Variants in RPH3AL observed in about 807,000 individuals in gnomAD.
RPH3AL encodes rabphilin 3A like (without C2 domains), also known as rab effector Noc2.
A neutral mutation model predicts 43.1 loss-of-function variants in RPH3AL; 38 were observed. The ratio of observed to expected loss-of-function variants is 0.88; its 90% CI spans 0.68 to 1.15. The LOEUF is 1.15. Ranked by LOEUF, RPH3AL falls within the 50% of genes most tolerant of loss-of-function variation. The pLI, the probability that RPH3AL is intolerant of heterozygous loss-of-function variation, is 0.00. For synonymous variants in RPH3AL, 189 were observed against 176.3 expected, an observed-to-expected ratio of 1.07 and a Z score of -0.57; for missense variants, 462 against 423.2, an observed-to-expected ratio of 1.09 and a Z score of -0.81.
chr17:281,618 CCCCT>C (rs1232259705), intron 6 of RPH3AL, 146 bp downstream of exon 6: 9 of 639,064 alleles, frequency 1.4e-5, no homozygotes, highest in African/African-American at 7.3e-5. Context: ...TCTGGAGAAA[CCCCT>C]CCCAGTGACT....
intron 6 of RPH3AL, among the ~76,000 whole-genome samples, chr17:259,330 G>A (rs181882708): frequency 1.9e-4 from 29 of 152,254 alleles, no homozygotes; most frequent in Admixed American, 1.7e-3. Context: ...AATGCCTTCC[G>A]CAGGGGAGAG....
intron 6 of RPH3AL, among the ~76,000 whole-genome samples, chr17:266,631 T>C (rs2042331818): frequency 6.6e-6 from 1 of 152,220 alleles, no homozygotes; most frequent in African/African-American, 2.4e-5. Context: ...GAGTTTCCTC[T>C]TCATTCCAAG....
At chr17:213,979 C>T in intron 9 of RPH3AL, 56 bp from the exon 10 acceptor site, 5 of 1,349,084 alleles carry the variant, frequency 3.7e-6, no homozygotes, top group Non-Finnish European at 5.2e-6. Flanking sequence ...TCCCTCCCTC[C>T]CCGGTGACAG....
chr17:263,424 G>T (rs2042246645), intron 6 of RPH3AL, among the ~76,000 whole-genome samples: 1 of 152,166 alleles, frequency 6.6e-6, no homozygotes, highest in African/African-American at 2.4e-5. Context: ...ATCAAGAAAG[G>T]CACGGCAGGA....
In RPH3AL at chr17:246,800, C is replaced by T. The variant is rs1049701300; in HGVS notation, c.613+311G>A. ...ATACTTTGCAAAATACCTTAATTGA[C>T]GTCCCATTTCTGTGAAGATGCGTAG... On this transcript the variant is annotated intron_variant, in intron 7 of 9. Coordinates refer to ENST00000331302, the MANE Select transcript of RPH3AL (RefSeq NM_006987.4). This position sits in a 1 kb window ranked among gnomAD's most constrained non-coding sequence, Gnocchi z 4.8. 7.9e-5 allele frequency among the ~76,000 whole-genome samples: 12 copies of T among 152,204 alleles called. No homozygotes were observed. Among genetic ancestry groups the T allele is most frequent in the African/African-American group, 1.7e-4 (7 of 41,450 alleles).
chr17:294,206 A>G (rs1162625670), intron 5 of RPH3AL, among the ~76,000 whole-genome samples: 1 of 151,944 alleles, frequency 6.6e-6, no homozygotes, highest in Non-Finnish European at 1.5e-5. Context: ...TGCTGATGGG[A>G]TGAAGAGACG....
intron 2 of RPH3AL, chr17:331,653 C>G (rs1341968002): frequency 1.6e-6 from 2 of 1,288,078 alleles, no homozygotes; most frequent in African/African-American, 3.0e-5. Context: ...CATGCAGAGG[C>G]TCCCTGACTC....
Position 246,938 on chromosome 17 carries a change from C to T in RPH3AL, c.613+173G>A, listed in dbSNP as rs980634277. On this transcript the variant is annotated intron_variant, in intron 7 of 9. Coordinates refer to ENST00000331302, the MANE Select transcript of RPH3AL (RefSeq NM_006987.4). The surrounding 1 kb of genome is among the most constrained non-coding windows in gnomAD (Gnocchi z 4.8). Reference sequence around the variant, plus strand: ...CGAACAGTCACCTGCTGGAGGTCCCCGCTGCTCACTCGGGAGAAGGTGTGG... The same window carrying T: ...CGAACAGTCACCTGCTGGAGGTCCCTGCTGCTCACTCGGGAGAAGGTGTGG... Among the ~76,000 whole-genome samples the T allele has an allele frequency of 4.6e-5, 7 of 152,194 alleles. No homozygotes were observed. In the East Asian group the frequency reaches 5.8e-4, roughly 13 times the overall value.
At chr17:234,811 T>G (rs1597897426) in intron 7 of RPH3AL, among the ~76,000 whole-genome samples, 1 of 151,096 alleles carries the variant, frequency 6.6e-6, no homozygotes, top group Non-Finnish European at 1.5e-5. Context: ...GGGCTGGGGG[T>G]GAGGAGAAGG....
chr17:268,248 A>G (rs1479802492), intron 6 of RPH3AL, among the ~76,000 whole-genome samples: 1 of 152,130 alleles, frequency 6.6e-6, no homozygotes, highest in African/African-American at 2.4e-5. Flanking sequence ...CCCCTGTGAC[A>G]ATAAAACCAA....
At chr17:304,224 G>C (rs985069315) in intron 5 of RPH3AL, among the ~76,000 whole-genome samples, 2 of 151,336 alleles carry the variant, frequency 1.3e-5, no homozygotes, top group Admixed American at 1.3e-4. Flanking sequence ...CGTGTCTCAG[G>C]CACCGTTTTA....
At chr17:236,343 T>C (rs1347202110) in intron 7 of RPH3AL, among the ~76,000 whole-genome samples, 1 of 152,192 alleles carries the variant, frequency 6.6e-6, no homozygotes, top group Non-Finnish European at 1.5e-5. Flanking sequence ...GCTGTGGCTA[T>C]TGATCAAGGA....
In RPH3AL at chr17:213,651, G is replaced by A. The variant is rs2040722798; in HGVS notation, c.*201C>T. The A allele has an allele frequency of 3.3e-6, 2 of 606,804 alleles. No individual in the cohort carries two copies. The highest frequency in any genetic ancestry group is 3.0e-6 in the Non-Finnish European group (1 of 337,842). 37.6% of individuals were successfully genotyped at this position (606,804 alleles called of 1,614,324 possible). A position where few individuals can be genotyped will look rare whatever the true frequency, so the allele number is the denominator to read the frequency against. On this transcript the variant is annotated 3_prime_UTR_variant, in exon 10 of 10. Transcript: ENST00000331302. ...GGGGCTGAGGGCAGTGGTTGGAGGG[G>A]GTGGCGGATGCAGACAGCTCCCCAG...
At chr17:258,758 T>TG (rs1358772889) in intron 6 of RPH3AL, among the ~76,000 whole-genome samples, 3 of 54,372 alleles carry the variant, frequency 5.5e-5, no homozygotes, top group African/African-American at 2.2e-4. Context: ...AGTCAACCCG[T>TG]TTTTTTTTTT....
At chr17:334,122 GCCGACTGTTCCCCGCC>G (rs1225128745) in intron 1 of RPH3AL, 188 bp from the exon 2 acceptor site, 1 of 153,068 alleles carries the variant, frequency 6.5e-6, no homozygotes, top group Non-Finnish European at 1.5e-5. Context: ...CACCCCTCCA[GCCGACTGTTCCCCGCC>G]CCGACTACAG....
At chr17:341,934 G>T (rs979436627) in intron 1 of RPH3AL, among the ~76,000 whole-genome samples, 7 of 152,178 alleles carry the variant, frequency 4.6e-5, no homozygotes, top group African/African-American at 1.7e-4. Context: ...ACAGCCCATA[G>T]AATGGGAGAA....
intron 7 of RPH3AL, among the ~76,000 whole-genome samples, chr17:241,711 CTTTT>C (rs1001979455): frequency 1.1e-5 from 1 of 92,766 alleles, no homozygotes; most frequent in Non-Finnish European, 2.2e-5. Context: ...GTTTCTTTTT[CTTTT>C]TTTTTCTTTT....
chr17:232,846 GTGTGTGTGT>G lies in RPH3AL; in HGVS notation c.614-13119_614-13111del, dbSNP rs1157321820. On this transcript the variant is annotated intron_variant, in intron 7 of 9. Coordinates refer to ENST00000331302, the MANE Select transcript of RPH3AL (RefSeq NM_006987.4). ...CTTTCCGGCGTGTGTGTGTGTGTGT[GTGTGTGTGT>G]GTGTGTGTGTGTGTGTGTGTGTGTG... is the stretch of plus-strand genomic sequence containing the variant. Among the ~76,000 whole-genome samples the G allele has an allele frequency of 7.3e-5, 5 of 68,330 alleles. 1 individual carries two copies. The highest frequency in any genetic ancestry group is 3.1e-4 in the African/African-American group (5 of 16,068). 44.8% of individuals were successfully genotyped at this position (68,330 alleles called of 152,430 possible). A position where few individuals can be genotyped will look rare whatever the true frequency, so the allele number is the denominator to read the frequency against.
intron 5 of RPH3AL, among the ~76,000 whole-genome samples, chr17:316,851 C>T (rs1028806440): frequency 3.3e-5 from 5 of 149,332 alleles, no homozygotes; most frequent in African/African-American, 1.3e-4. Flanking sequence ...ACTCCACCTC[C>T]AGTGATGTGT....
Sources: allele counts gnomAD v4.1 joint callset (sites outside exome capture counted in the v4.1 genomes callset), GRCh38; gene constraint gnomAD v4.1.1; non-coding constraint Gnocchi (gnomAD v3.1); transcripts MANE v1.5; gene names NCBI Gene and HGNC (gene_info 2026-07-23, HGNC 2026-07-21).